The following PAN3 variants were observed in gnomAD, a reference collection of about 807,000 sequenced individuals.
PAN3 encodes poly(A) specific ribonuclease subunit PAN3, also known as PAN2-PAN3 deadenylation complex subunit PAN3.
Under a neutral mutation model 96.2 loss-of-function variants are expected in PAN3, and 19 were observed. The ratio of observed to expected loss-of-function variants is 0.20; its 90% CI spans 0.14 to 0.29. The LOEUF is 0.29. Ranked by LOEUF, PAN3 falls within the 10% of genes least tolerant of loss-of-function variation. The pLI, the probability that PAN3 is intolerant of heterozygous loss-of-function variation, is 1.00. For missense variants in PAN3, 882 were observed against 1,108.1 expected, an observed-to-expected ratio of 0.80 and a Z score of 2.90; for synonymous variants, 433 against 406.6, an observed-to-expected ratio of 1.06 and a Z score of -0.78.
chr13:28,160,545 A>G (rs1482375424), intron 1 of PAN3, among the ~76,000 whole-genome samples: 1 of 152,188 alleles, frequency 6.6e-6, no homozygotes, highest in African/African-American at 2.4e-5. Context: ...GGAGATTAGG[A>G]TTGAGTGAGA....
intron 6 of PAN3, among the ~76,000 whole-genome samples, chr13:28,222,738 C>T (rs914653709): frequency 2.0e-5 from 3 of 151,998 alleles, no homozygotes; most frequent in Admixed American, 2.0e-4. Context: ...GTTTATTTAC[C>T]TACGGTAGTG....
At chr13:28,260,393 GA>G (rs1566238052) in intron 7 of PAN3, 53 bp from the exon 8 acceptor site, 5 of 1,399,152 alleles carry the variant, frequency 3.6e-6, no homozygotes, top group Non-Finnish European at 4.0e-6. Context: ...GACTCCATCT[GA>G]AAAAAAGAAA....
intron 5 of PAN3, among the ~76,000 whole-genome samples, chr13:28,200,867 C>T (rs1409022554): frequency 6.6e-6 from 1 of 152,204 alleles, no homozygotes; most frequent in Non-Finnish European, 1.5e-5. Context: ...CTCTAAATTT[C>T]CTTACCATCC....
chr13:28,221,536 A>G (rs1471239626), intron 6 of PAN3, among the ~76,000 whole-genome samples: 1 of 152,160 alleles, frequency 6.6e-6, no homozygotes, highest in Non-Finnish European at 1.5e-5. Flanking sequence ...GAAGATAAAG[A>G]TAACACAGTG....
chr13:28,238,339 C>T (rs1883288019), intron 6 of PAN3, among the ~76,000 whole-genome samples: 1 of 152,128 alleles, frequency 6.6e-6, no homozygotes, highest in Admixed American at 6.5e-5. Context: ...TGCTTAATCC[C>T]CCTGAAACCC....
At chr13:28,235,731 A>G (rs1330922340) in intron 6 of PAN3, among the ~76,000 whole-genome samples, 2 of 151,560 alleles carry the variant, frequency 1.3e-5, no homozygotes, top group East Asian at 3.9e-4. Flanking sequence ...ACATATATAT[A>G]TATATGTATT....
In PAN3 at chr13:28,293,786, T is replaced by A. The variant is rs1870051856; in HGVS notation, c.*1264T>A. 1 of 152,594 alleles carries A rather than the reference T, an allele frequency of 6.6e-6. No individual in the cohort carries two copies. The highest frequency in any genetic ancestry group is 2.4e-5 in the African/African-American group (1 of 41,428). 9.5% of individuals were successfully genotyped at this position (152,594 alleles called of 1,614,324 possible). A position where few individuals can be genotyped will look rare whatever the true frequency, so the allele number is the denominator to read the frequency against. ...TCTAGTAAATGAAATACCTATACTT[T>A]GATACTGAAGACTGCCAAATACATA... is the stretch of plus-strand genomic sequence containing the variant. On this transcript the variant is annotated 3_prime_UTR_variant, in exon 19 of 19. Transcript: ENST00000380958.
chr13:28,251,875 G>T (rs79660389), intron 6 of PAN3, among the ~76,000 whole-genome samples: 3,639 of 150,322 alleles, frequency 0.024, 139 homozygotes, highest in African/African-American at 0.082. Context: ...TCTTGGGGTT[G>T]GTTTGTTTGT....
At chr13:28,174,467 A>G in intron 2 of PAN3, 74 bp downstream of exon 2, 3 of 1,481,170 alleles carry the variant, frequency 2.0e-6, no homozygotes, top group Non-Finnish European at 2.7e-6. Flanking sequence ...GTCTTCATTT[A>G]TTCCTACATT....
chr13:28,191,305 C>T (rs1173704826), intron 4 of PAN3, among the ~76,000 whole-genome samples: 1 of 152,200 alleles, frequency 6.6e-6, no homozygotes, highest in Non-Finnish European at 1.5e-5. Flanking sequence ...GATGTTGCCA[C>T]AAGTAAGCTT....
At chr13:28,184,066 GCCT>G (rs1315507985) in intron 4 of PAN3, among the ~76,000 whole-genome samples, 4 of 151,996 alleles carry the variant, frequency 2.6e-5, no homozygotes, top group Non-Finnish European at 2.9e-5. Context: ...AGATGTTCAG[GCCT>G]CCTCCTCCCC....
chr13:28,211,540 T>C (rs1476930042), intron 5 of PAN3, among the ~76,000 whole-genome samples: 1 of 152,208 alleles, frequency 6.6e-6, no homozygotes, highest in African/African-American at 2.4e-5. Flanking sequence ...AGAAAGTAGA[T>C]TGAATTGCTC....
At chr13:28,280,664 C>G in intron 16 of PAN3, 123 bp downstream of exon 16, 2 of 855,406 alleles carry the variant, frequency 2.3e-6, no homozygotes, top group Non-Finnish European at 3.3e-6. Context: ...TGGGTTCAAG[C>G]GAGTCTCCTG....
chr13:28,288,987 C>T (rs919540912), intron 18 of PAN3, among the ~76,000 whole-genome samples: 34 of 152,010 alleles, frequency 2.2e-4, no homozygotes, highest in African/African-American at 5.3e-4. Flanking sequence ...CCACCATGCC[C>T]GGCTAATTTT....
chr13:28,247,275 T>TTTTTTA (rs1384232156), intron 6 of PAN3, among the ~76,000 whole-genome samples: 5 of 152,080 alleles, frequency 3.3e-5, no homozygotes, highest in Admixed American at 6.5e-5. Flanking sequence ...TTGGATTTAT[T>TTTTTTA]TTTTTATTTT....
chr13:28,189,534 C>A (rs936812280), intron 4 of PAN3, among the ~76,000 whole-genome samples: 16 of 140,356 alleles, frequency 1.1e-4, no homozygotes, highest in African/African-American at 3.9e-4. Flanking sequence ...AAAAACAAAA[C>A]AAAACAAAAA....
intron 3 of PAN3, 64 bp from the exon 4 acceptor site, chr13:28,177,799 AAC>A: frequency 2.3e-6 from 3 of 1,289,654 alleles, no homozygotes; most frequent in Non-Finnish European, 2.2e-6. Flanking sequence ...TGTCAAATTA[AAC>A]AGTTATTAGA....
At position 28,154,676 on chromosome 13, in the gene PAN3, A is replaced by G. The variant is rs1054014834; in HGVS notation, c.430+15589A>G. The stretch of plus-strand genomic sequence containing the variant: ...CGCCCAGCTAATTTTTTGTATTTTT[A>G]GTAGAGACAGGGTTTCGTCATGTTA... On this transcript the variant is annotated intron_variant, in intron 1 of 18. Coordinates refer to ENST00000380958, the MANE Select transcript of PAN3 (RefSeq NM_175854.8). Among the ~76,000 whole-genome samples the G allele has an allele frequency of 4.0e-5, 6 of 151,024 alleles. No individual in the cohort carries two copies. In the East Asian group the frequency reaches 1.2e-3, roughly 30 times the overall value.
At chr13:28,238,908 A>AT (rs531348311) in intron 6 of PAN3, among the ~76,000 whole-genome samples, 24 of 150,574 alleles carry the variant, frequency 1.6e-4, no homozygotes, top group South Asian at 1.3e-3. Context: ...ATGCATGTTG[A>AT]TTTTTTTTTG....
Sources: gnomAD v4.1 joint callset for allele counts (sites outside exome capture counted in the v4.1 genomes callset) on GRCh38, gnomAD v4.1.1 for gene constraint, MANE v1.5 for transcripts, NCBI Gene and HGNC (gene_info 2026-07-23, HGNC 2026-07-21) for gene names.